The following CDYL2 variants were observed in gnomAD, a reference collection of about 807,000 sequenced individuals.
CDYL2 encodes the protein chromodomain Y like 2.
CDYL2 carries 23 observed loss-of-function variants against 49.4 expected under a neutral mutation model. The ratio of observed to expected loss-of-function variants is 0.47; its 90% CI spans 0.34 to 0.66. CDYL2 has a LOEUF of 0.66. Ranked by LOEUF, CDYL2 falls within the 30% of genes least tolerant of loss-of-function variation. The pLI, the probability that CDYL2 is intolerant of heterozygous loss-of-function variation, is 0.01. For missense variants in CDYL2, 678 were observed against 656.4 expected (o/e 1.03, Z -0.36); for synonymous variants, 360 against 268.8 (o/e 1.34, Z -3.32).
intron 2 of CDYL2, among the ~76,000 whole-genome samples, chr16:80,648,953 T>A (rs532398112): frequency 6.6e-6 from 1 of 152,086 alleles, no homozygotes; most frequent in African/African-American, 2.4e-5. Context: ...CATCCCTTCA[T>A]GATAAAACCC....
chr16:80,607,116 T>C (rs1906372494), intron 6 of CDYL2, among the ~76,000 whole-genome samples: 1 of 152,076 alleles, frequency 6.6e-6, no homozygotes, highest in African/African-American at 2.4e-5. Context: ...AGAATCCACG[T>C]GAAGAGATCA....
chr16:80,774,534 A>T (rs1907017154), intron 1 of CDYL2, among the ~76,000 whole-genome samples: 1 of 152,170 alleles, frequency 6.6e-6, no homozygotes, highest in African/African-American at 2.4e-5. Context: ...CAAAACTGCT[A>T]AAATAGATCT....
chr16:80,789,866 C>T (rs768544954), intron 1 of CDYL2, among the ~76,000 whole-genome samples: 86 of 152,076 alleles, frequency 5.7e-4, no homozygotes, highest in South Asian at 2.1e-4. Context: ...ACAAAGGGTA[C>T]ACATGGACAT....
At chr16:80,613,784 C>A (rs140265236) in intron 4 of CDYL2, among the ~76,000 whole-genome samples, 1 of 152,196 alleles carries the variant, frequency 6.6e-6, no homozygotes, top group Non-Finnish European at 1.5e-5. Context: ...CTAGTAAAGT[C>A]TGCATCCTTC....
Position 80,612,676 on chromosome 16 carries a change from G to C in CDYL2, c.1168C>G (p.Pro390Ala). The C allele has an allele frequency of 6.2e-7, 1 of 1,613,128 alleles. No individual in the cohort carries two copies. The highest frequency in any genetic ancestry group is 8.5e-7 in the Non-Finnish European group (1 of 1,179,920). ...AAGGTGTAGGAGGAGCAGCCAGCAG[G>C]CGTGAGGCGGATGGTGGCGTAGGGC... ...QTPYATIRLT[P>A]AGCSSYTFPQ... The change falls in exon 5 of 7, where the codon CCT becomes GCT. Residue 390 changes from proline to alanine, a missense_variant. Physicochemically the swap from Pro to Ala is conservative, Grantham distance 27 (BLOSUM62 -1). Transcript: ENST00000570137. The surrounding 1 kb of genome is among the most constrained non-coding windows in gnomAD (Gnocchi z 5.0).
chr16:80,765,642 C>T (rs1906693625), intron 1 of CDYL2, among the ~76,000 whole-genome samples: 1 of 147,368 alleles, frequency 6.8e-6, no homozygotes, highest in Admixed American at 6.9e-5. Context: ...TTCATGATAG[C>T]CAAAATGTGA....
Position 80,802,182 on chromosome 16 carries a change from T to C in CDYL2, c.24+1968A>G, listed in dbSNP as rs947807967. On this transcript the variant is annotated intron_variant, in intron 1 of 6. Transcript: ENST00000570137. ...TTGCAGATGAACATTAAACAAGAAA[T>C]TATCCCCAGAAGGTTCATAAGTTCT... 1.4e-4 allele frequency among the ~76,000 whole-genome samples: 21 copies of C among 152,194 alleles called. No individual in the cohort carries two copies. The South Asian group carries it at 2.9e-3, about 21-fold the overall frequency.
intron 1 of CDYL2, among the ~76,000 whole-genome samples, chr16:80,753,336 C>T (rs1007740232): frequency 1.8e-4 from 27 of 152,016 alleles, no homozygotes; most frequent in African/African-American, 5.6e-4. Flanking sequence ...AGGCCGGGCA[C>T]GGTGGCTCAC....
chr16:80,759,188 T>A (rs2142381117), intron 1 of CDYL2, among the ~76,000 whole-genome samples: 1 of 146,340 alleles, frequency 6.8e-6, no homozygotes, highest in South Asian at 2.1e-4. Flanking sequence ...TGTGTATATA[T>A]ATATATAATT....
intron 1 of CDYL2, among the ~76,000 whole-genome samples, chr16:80,693,044 T>C (rs1254516084): frequency 1.4e-5 from 2 of 146,712 alleles, no homozygotes; most frequent in Admixed American, 7.3e-5. Flanking sequence ...TTATGCTGAA[T>C]GAAGGGGCCA....
chr16:80,629,906 G>C (rs1280399475), intron 3 of CDYL2, among the ~76,000 whole-genome samples: 2 of 152,192 alleles, frequency 1.3e-5, no homozygotes, highest in Non-Finnish European at 2.9e-5. Context: ...CTATATGCCA[G>C]GTACTTTGTG....
In CDYL2 at chr16:80,610,416, T is replaced by C. The variant is rs868521020; in HGVS notation, c.1219-2181A>G. Among the ~76,000 whole-genome samples, 9 of 152,042 alleles carry C rather than the reference T, an allele frequency of 5.9e-5. 1 individual carries two copies. Among genetic ancestry groups the C allele is most frequent in the South Asian group, 4.2e-4 (2 of 4,818 alleles). On this transcript the variant is annotated intron_variant, in intron 5 of 6. Coordinates refer to ENST00000570137, the MANE Select transcript of CDYL2 (RefSeq NM_152342.4). The stretch of plus-strand genomic sequence containing the variant: ...TAAAATCAAGACATCAAAAGAAACA[T>C]CCTGGAGTCTGTTCCTAAAAAGGAA...
chr16:80,702,217 C>CACAAAA (rs935484814), intron 1 of CDYL2, among the ~76,000 whole-genome samples: 5 of 150,558 alleles, frequency 3.3e-5, no homozygotes, highest in African/African-American at 9.8e-5. Flanking sequence ...CACACACACA[C>CACAAAA]AAAACTATAA....
chr16:80,765,592 G>A (rs1346825772), intron 1 of CDYL2, among the ~76,000 whole-genome samples: 2 of 151,768 alleles, frequency 1.3e-5, no homozygotes, highest in Non-Finnish European at 2.9e-5. Flanking sequence ...AAGCCGATCT[G>A]CACGCAAAAA....
At chr16:80,782,936 A>G (rs1015642675) in intron 1 of CDYL2, among the ~76,000 whole-genome samples, 1 of 152,204 alleles carries the variant, frequency 6.6e-6, no homozygotes, top group African/African-American at 2.4e-5. Flanking sequence ...AAAATCAGGA[A>G]TAAGACAATG....
chr16:80,746,127 CT>C (rs759608490), intron 1 of CDYL2, among the ~76,000 whole-genome samples: 1,968 of 152,264 alleles, frequency 0.013, 18 homozygotes, highest in Middle Eastern at 0.037. Context: ...CTCCCCTGGG[CT>C]CCAACAGGTA....
At chr16:80,750,707 G>C (rs1158279296) in intron 1 of CDYL2, among the ~76,000 whole-genome samples, 2 of 152,166 alleles carry the variant, frequency 1.3e-5, no homozygotes, top group Non-Finnish European at 2.9e-5. Context: ...AGAGTACTAT[G>C]TCCAAATGAT....
chr16:80,789,961 C>A (rs1907557375), intron 1 of CDYL2, among the ~76,000 whole-genome samples: 1 of 152,132 alleles, frequency 6.6e-6, no homozygotes, highest in Non-Finnish European at 1.5e-5. Flanking sequence ...CTACTGGGTA[C>A]AATATGATGG....
At chr16:80,724,504 T>C (rs762708220) in intron 1 of CDYL2, among the ~76,000 whole-genome samples, 1 of 152,188 alleles carries the variant, frequency 6.6e-6, no homozygotes, top group Non-Finnish European at 1.5e-5. Flanking sequence ...CTCCTTGTCA[T>C]AGTTCATGAA....
Sources: allele counts gnomAD v4.1 joint callset (sites outside exome capture counted in the v4.1 genomes callset), GRCh38; gene constraint gnomAD v4.1.1; non-coding constraint Gnocchi (gnomAD v3.1); transcripts MANE v1.5; gene names NCBI Gene and HGNC (gene_info 2026-07-23, HGNC 2026-07-21).